The following SLC7A5 variants were observed in gnomAD, a reference collection of about 807,000 sequenced individuals.
SLC7A5 encodes the protein large neutral amino acids transporter small subunit 1.
SLC7A5 carries 23 observed loss-of-function variants against 50.2 expected under a neutral mutation model. The observed-to-expected ratio is 0.46, with a 90% CI of 0.33 to 0.65. The LOEUF (loss-of-function observed/expected upper bound fraction) is 0.65, where lower values mean the gene tolerates loss of function less well. Ranked by LOEUF, SLC7A5 falls within the 30% of genes least tolerant of loss-of-function variation. SLC7A5 has a pLI of 0.02. For synonymous variants in SLC7A5, 393 were observed against 330.6 expected, an observed-to-expected ratio of 1.19 and a Z score of -2.05; for missense variants, 578 against 684.4, an observed-to-expected ratio of 0.84 and a Z score of 1.73.
At chr16:87,846,363 A>T (rs1476615689) in intron 2 of SLC7A5, among the ~76,000 whole-genome samples, 1 of 152,224 alleles carries the variant, frequency 6.6e-6, no homozygotes, top group African/African-American at 2.4e-5. Context: ...TGGTTAACAC[A>T]GCCTGTACCC....
In SLC7A5 at chr16:87,869,099, G is replaced by A. The variant is rs1305675868; in HGVS notation, c.324C>T (p.Thr108=). 1.2e-6 allele frequency: 2 copies of A among 1,611,860 alleles called. No homozygotes were observed. The highest frequency in any genetic ancestry group is 1.7e-6 in the Non-Finnish European group (2 of 1,179,780). ...AGTCGCCGCCCGATTTGGAGATGGT[G>A]GTGCCGAGCTCCGCGTAGCAGAGCG... is the stretch of plus-strand genomic sequence containing the variant. ...VGALCYAELG[T]TISKSGGDYA... Residue 108 remains threonine, a synonymous_variant, in exon 1 of 10, where the codon ACC becomes ACT. Coordinates refer to ENST00000261622, the MANE Select transcript of SLC7A5 (RefSeq NM_003486.7).
chr16:87,844,969 C>T (rs373091622), intron 2 of SLC7A5, among the ~76,000 whole-genome samples: 8 of 152,220 alleles, frequency 5.3e-5, no homozygotes, highest in Non-Finnish European at 1.0e-4. Context: ...CTAAGGCCGA[C>T]GACAAGTGTC....
rs777363728 is a variant in SLC7A5, at chr16:87,837,865, C to A, written c.1120G>T (p.Val374Leu). ...SMIHPQLLTP[V>L]PSLVFTCVMT... The stretch of plus-strand genomic sequence containing the variant: ...CTTACCGTGAACACGAGGGACGGCA[C>A]GGGGGTGAGGAGCTGTGGGTGGATC... The change falls in exon 7 of 10, where the codon GTG becomes TTG. Residue 374 changes from valine to leucine, a missense_variant. Around this residue, in one of 2 missense-constraint regions of SLC7A5, gnomAD observed 465 missense variants for 594.6 expected, o/e 0.78. Transcript: ENST00000261622. 2 of 1,606,792 alleles carry A rather than the reference C, an allele frequency of 1.2e-6. No homozygotes were observed. Among genetic ancestry groups the A allele is most frequent in the Non-Finnish European group, 1.7e-6 (2 of 1,177,898 alleles).
rs753642241 is a variant in SLC7A5, at chr16:87,841,545, G to A, written c.665-390C>T. Among the ~76,000 whole-genome samples, 13 of 152,226 alleles carry A rather than the reference G, an allele frequency of 8.5e-5. No individual in the cohort carries two copies. Among genetic ancestry groups the A allele is most frequent in the Non-Finnish European group, 1.5e-4 (10 of 68,018 alleles). The stretch of plus-strand genomic sequence containing the variant: ...GTATAAAGCCAGGAGACCTCGGTTT[G>A]CATCCTGGCTACGGCAACAAGGAAG... On this transcript the variant is annotated intron_variant, in intron 2 of 9. Transcript: ENST00000261622. This position sits in a 1 kb window ranked among gnomAD's most constrained non-coding sequence, Gnocchi z 4.8.
At chr16:87,839,595 T>C (rs1430278510) in intron 5 of SLC7A5, 107 bp downstream of exon 5, 1 of 1,548,422 alleles carries the variant, frequency 6.5e-7, no homozygotes, top group Non-Finnish European at 8.8e-7. Context: ...CGGGGCCCCC[T>C]CTGCGTAGGG....
At chr16:87,835,808 G>A (rs563548604) in intron 8 of SLC7A5, among the ~76,000 whole-genome samples, 12 of 152,304 alleles carry the variant, frequency 7.9e-5, no homozygotes, top group Admixed American at 2.6e-4. Context: ...AGGCACCCCC[G>A]GGGCCCCCAG....
At chr16:87,863,986 A>AACATATATATATATATAT (rs376938738) in intron 1 of SLC7A5, among the ~76,000 whole-genome samples, 1 of 83,280 alleles carries the variant, frequency 1.2e-5, no homozygotes, top group East Asian at 3.2e-4. Context: ...ATCATTTAAA[A>AACATATATATATATATAT]ATATATATAT....
chr16:87,838,942 G>T (rs2055047540), intron 5 of SLC7A5, 125 bp from the exon 6 acceptor site: 2 of 744,876 alleles, frequency 2.7e-6, no homozygotes, highest in African/African-American at 3.5e-5. Context: ...CTCTGCAGAG[G>T]ACCTCTCAGG....
intron 1 of SLC7A5, among the ~76,000 whole-genome samples, chr16:87,866,586 C>T (rs2055464150): frequency 6.6e-6 from 1 of 152,138 alleles, no homozygotes; most frequent in Non-Finnish European, 1.5e-5. Context: ...CTGCCTCAGC[C>T]TCCCGAGTAG....
chr16:87,841,729 G>A lies in SLC7A5; in HGVS notation c.665-574C>T, dbSNP rs2055085501. ...TGCAGCCGGGGCAGGGGCAGGAGCA[G>A]GGCTGCCAGGGCCGAGAACGATCCC... On this transcript the variant is annotated intron_variant, in intron 2 of 9. Transcript: ENST00000261622. This position sits in a 1 kb window ranked among gnomAD's most constrained non-coding sequence, Gnocchi z 4.8. 6.6e-6 allele frequency among the ~76,000 whole-genome samples: 1 copy of A among 152,214 alleles called. No homozygotes were observed. The highest frequency in any genetic ancestry group is 1.5e-5 in the Non-Finnish European group (1 of 68,030).
At position 87,860,493 on chromosome 16, in the gene SLC7A5, C is replaced by A. The variant is rs1205071407; in HGVS notation, c.538+8392G>T. Among the ~76,000 whole-genome samples the A allele has an allele frequency of 6.6e-6, 1 of 151,874 alleles. No homozygotes were observed. Among genetic ancestry groups the A allele is most frequent in the African/African-American group, 2.4e-5 (1 of 41,308 alleles). On this transcript the variant is annotated intron_variant, in intron 1 of 9. Transcript: ENST00000261622. This position sits in a 1 kb window ranked among gnomAD's most constrained non-coding sequence, Gnocchi z 4.8. ...GTTGTCCCGCCTTTCTCGGCAGAAC[C>A]AACAAATACCTTTCATGTACTGACT...
In SLC7A5 at chr16:87,857,096, C is replaced by T. The variant is rs142746437; in HGVS notation, c.539-5247G>A. Among the ~76,000 whole-genome samples the T allele has an allele frequency of 3.3e-3, 505 of 152,382 alleles. 3 individuals are homozygous for T. The highest frequency in any genetic ancestry group is 0.012 in the African/African-American group (487 of 41,600). ...CCCCAGAATGGGCTGGAATGCCAAG[C>T]CTGCCCATGCCGGCTCCAGATCCAC... On this transcript the variant is annotated intron_variant, in intron 1 of 9. Transcript: ENST00000261622.
intron 2 of SLC7A5, among the ~76,000 whole-genome samples, chr16:87,846,001 A>G (rs1486000065): frequency 6.6e-6 from 1 of 152,232 alleles, no homozygotes; most frequent in Non-Finnish European, 1.5e-5. Flanking sequence ...TGGCAGGCCC[A>G]GGACACACTG....
intron 8 of SLC7A5, among the ~76,000 whole-genome samples, chr16:87,834,916 G>A (rs1026584679): frequency 6.6e-5 from 10 of 152,252 alleles, no homozygotes; most frequent in Non-Finnish European, 2.9e-5. Flanking sequence ...TGAGCCGCCA[G>A]GACGCACAGG....
chr16:87,864,947 G>A lies in SLC7A5; in HGVS notation c.538+3938C>T, dbSNP rs538318323. Among the ~76,000 whole-genome samples the A allele has an allele frequency of 1.8e-3, 274 of 152,304 alleles. 4 individuals carry two copies. Among genetic ancestry groups the A allele is most frequent in the Non-Finnish European group, 3.3e-3 (223 of 68,032 alleles). ...TGTTTAATTAAAGGTAAAGGGATCAGGCCGCCTTCAGCCAGAGCTAATTAC... is the reference window on the plus strand; with the variant it reads ...TGTTTAATTAAAGGTAAAGGGATCAAGCCGCCTTCAGCCAGAGCTAATTAC... On this transcript the variant is annotated intron_variant, in intron 1 of 9. Transcript: ENST00000261622.
rs771110632 is a variant in SLC7A5 at position 87,838,700 on chromosome 16, C to T, written c.1043+14G>A. 14 of 1,601,284 alleles carry T rather than the reference C, an allele frequency of 8.7e-6. No individual in the cohort carries two copies. The highest frequency in any genetic ancestry group is 1.7e-4 in the Middle Eastern group (1 of 6,056). ...TGGGCCTCCCTCACCTGTGGTGGGT[C>T]GGGCTGTGCTCACCTGGAGGATGTG... is the stretch of plus-strand genomic sequence containing the variant. On this transcript the variant is annotated intron_variant, in intron 6 of 9. Coordinates refer to ENST00000261622, the MANE Select transcript of SLC7A5 (RefSeq NM_003486.7).
chr16:87,851,036 G>A (rs1040717480), intron 2 of SLC7A5, among the ~76,000 whole-genome samples: 1 of 152,200 alleles, frequency 6.6e-6, no homozygotes, highest in Non-Finnish European at 1.5e-5. Context: ...CTGGGAAAAA[G>A]GCTCAGAATC....
Position 87,868,997 on chromosome 16 carries a change from A to C in SLC7A5, c.426T>G (p.Pro142=), listed in dbSNP as rs1433257954. ...KLWIELLIIR[P]SSQYIVALVF... is the part of the protein sequence containing the mutation. ...CCAGGGCCACGATGTACTGCGATGA[A>C]GGCCGGATGATGAGCAGCTCGATCC... The change falls in exon 1 of 10, where the codon CCT becomes CCG. Residue 142 remains proline, a synonymous_variant. Coordinates refer to ENST00000261622, the MANE Select transcript of SLC7A5 (RefSeq NM_003486.7). 6.2e-7 allele frequency: 1 copy of C among 1,611,712 alleles called. No individual in the cohort carries two copies. Among genetic ancestry groups the C allele is most frequent in the South Asian group, 1.1e-5 (1 of 90,990 alleles).
intron 8 of SLC7A5, among the ~76,000 whole-genome samples, chr16:87,835,117 C>T (rs1191495358): frequency 6.6e-6 from 1 of 152,292 alleles, no homozygotes; most frequent in Non-Finnish European, 1.5e-5. Flanking sequence ...CAGGCCGCAA[C>T]CTGCGGCTCG....
Sources: gnomAD v4.1 joint callset for allele counts (sites outside exome capture counted in the v4.1 genomes callset) on GRCh38, gnomAD v4.1.1 for gene constraint, gnomAD v4.1.1 regional missense constraint, Gnocchi (gnomAD v3.1) non-coding constraint, MANE v1.5 for transcripts, NCBI Gene and HGNC (gene_info 2026-07-23, HGNC 2026-07-21) for gene names.